The following RGS22 variants were observed in gnomAD, a reference collection of about 807,000 sequenced individuals.
The protein encoded by RGS22 is regulator of G protein signaling 22.
RGS22 carries 148 observed loss-of-function variants against 172.9 expected under a neutral mutation model. The ratio of observed to expected loss-of-function variants is 0.86; its 90% CI spans 0.75 to 0.98. The LOEUF is 0.98. Among genes scored for constraint, RGS22 ranks in the 50% least tolerant of loss-of-function variants. The pLI is 0.00. For synonymous variants in RGS22, 458 were observed against 480.2 expected, an observed-to-expected ratio of 0.95 and a Z score of 0.60; for missense variants, 1,347 against 1,440.8, an observed-to-expected ratio of 0.93 and a Z score of 1.05.
chr8:99,996,401 A>G, intron 20 of RGS22, 61 bp downstream of exon 20: 1 of 1,421,196 alleles, frequency 7.0e-7, no homozygotes, highest in South Asian at 1.2e-5. Flanking sequence ...AAAGGGAAAG[A>G]AAAACAATAC....
chr8:100,057,505 A>G (rs1359356142), intron 9 of RGS22, among the ~76,000 whole-genome samples: 1 of 152,138 alleles, frequency 6.6e-6, no homozygotes, highest in Non-Finnish European at 1.5e-5. Flanking sequence ...GGGTCATGGG[A>G]GGAACCCAGT....
At chr8:100,069,977 G>A (rs547571106) in intron 6 of RGS22, among the ~76,000 whole-genome samples, 2 of 124,924 alleles carry the variant, frequency 1.6e-5, no homozygotes, top group East Asian at 5.3e-4. Flanking sequence ...GCAGTGAGCA[G>A]AGATCATGCC....
Position 99,971,476 on chromosome 8 carries a change from C to T in RGS22, c.3520-6046G>A, listed in dbSNP as rs1270301673. On this transcript the variant is annotated intron_variant, in intron 23 of 27. Coordinates refer to ENST00000360863, the MANE Select transcript of RGS22 (RefSeq NM_015668.5). ...ATGACAGGATTGTATATTTAGAAAACCCCATTGTCTCAGCCAAAAACTCCT... is the reference window on the plus strand; with the variant it reads ...ATGACAGGATTGTATATTTAGAAAATCCCATTGTCTCAGCCAAAAACTCCT... Among the ~76,000 whole-genome samples the T allele has an allele frequency of 5.9e-5, 9 of 152,230 alleles. No individual in the cohort carries two copies. The South Asian group carries it at 1.5e-3, about 25-fold the overall frequency.
chr8:100,003,061 G>GA (rs1221100011), intron 17 of RGS22: 70 of 159,804 alleles, frequency 4.4e-4, no homozygotes, highest in Middle Eastern at 5.6e-3. Flanking sequence ...TCTCAAAAAA[G>GA]AAAAAAAAAG....
chr8:100,098,891 AT>A (rs61345063), intron 2 of RGS22, among the ~76,000 whole-genome samples: 4,085 of 82,250 alleles, frequency 0.05, 382 homozygotes, highest in African/African-American at 0.18. Flanking sequence ...ATTTTATTTT[AT>A]TTTATTTTAT....
At chr8:100,096,669 A>T (rs1311339278) in intron 2 of RGS22, among the ~76,000 whole-genome samples, 23 of 136,488 alleles carry the variant, frequency 1.7e-4, no homozygotes, top group East Asian at 9.9e-4. Context: ...AATTTAAAAA[A>T]AATTTTTTTT....
At chr8:100,023,865 C>CA (rs1817880993) in intron 14 of RGS22, 1 of 152,338 alleles carries the variant, frequency 6.6e-6, no homozygotes, top group Non-Finnish European at 1.5e-5. Context: ...GTTCAAATTT[C>CA]AAAAAGCAAC....
At chr8:99,989,483 G>A (rs1336252925) in intron 20 of RGS22, among the ~76,000 whole-genome samples, 3 of 151,792 alleles carry the variant, frequency 2.0e-5, no homozygotes, top group Non-Finnish European at 4.4e-5. Flanking sequence ...GCTCCTGCTC[G>A]GCAAAGTGCC....
In RGS22 at chr8:100,063,555, T is replaced by C; in HGVS notation, c.1213A>G (p.Arg405Gly). 1 of 1,614,128 alleles carries C rather than the reference T, an allele frequency of 6.2e-7. No homozygotes were observed. The highest frequency in any genetic ancestry group is 8.5e-7 in the Non-Finnish European group (1 of 1,180,004). Residue 405 changes from arginine (R) to glycine (G), a missense_variant, in exon 8 of 28, where the codon AGG becomes GGG. Physicochemically the swap from Arg to Gly is moderately radical, Grantham distance 125. Coordinates refer to ENST00000360863, the MANE Select transcript of RGS22 (RefSeq NM_015668.5). Reference protein sequence around the residue: ...ESRADWCISHRTYDIGNRKEF... With the variant: ...ESRADWCISHGTYDIGNRKEF... ...TTTCTATTGCCAATGTCATAAGTCC[T>C]ATGAGAAATACACCAGTCCGCCCTG...
At position 100,006,118 on chromosome 8, in the gene RGS22, A is replaced by G. The variant is rs369853070; in HGVS notation, c.2362-9T>C. ...TCTTCCACCAGCTCCACCTAAAAAA[A>G]ATAAATAAAGCTTGTGACATCAAGA... On this transcript the variant is annotated splice_polypyrimidine_tract_variant and intron_variant, in intron 15 of 27. Transcript: ENST00000360863. The G allele has an allele frequency of 6.2e-7, 1 of 1,607,372 alleles. No homozygotes were observed. Among genetic ancestry groups the G allele is most frequent in the Non-Finnish European group, 8.5e-7 (1 of 1,175,668 alleles).
chr8:100,008,479 G>T lies in RGS22; in HGVS notation c.2257C>A (p.Pro753Thr), dbSNP rs767721262. 1.9e-6 allele frequency: 3 copies of T among 1,613,332 alleles called. No homozygotes were observed. Among genetic ancestry groups the T allele is most frequent in the African/African-American group, 1.3e-5 (1 of 74,862 alleles). ...GTGTCAAAAAGGTCTTCAAATGGTG[G>T]CTGTATTTTCATATAAATTTCTTTT... is the stretch of plus-strand genomic sequence containing the variant. ...KKKEIYMKIQ[P>T]PFEDLFDTAE... Residue 753 changes from proline to threonine, a missense_variant, in exon 15 of 28, where the codon CCA (proline) becomes ACA (threonine). By Grantham distance (38) the Pro-to-Thr change is conservative. Transcript: ENST00000360863.
intron 21 of RGS22, among the ~76,000 whole-genome samples, chr8:99,986,229 CA>C (rs1182342918): frequency 4.0e-5 from 6 of 149,560 alleles, no homozygotes; most frequent in South Asian, 2.1e-4. Context: ...GACCCTGTCT[CA>C]AAAAAAAATT....
intron 10 of RGS22, among the ~76,000 whole-genome samples, chr8:100,051,184 C>T (rs904607729): frequency 4.6e-5 from 7 of 151,566 alleles, no homozygotes; most frequent in Non-Finnish European, 1.0e-4. Context: ...ACAGCAAGCA[C>T]AAAGCCCTGG....
At chr8:100,020,320 C>G (rs556330410) in intron 14 of RGS22, among the ~76,000 whole-genome samples, 2 of 152,290 alleles carry the variant, frequency 1.3e-5, no homozygotes, top group South Asian at 2.1e-4. Context: ...TTCATACACT[C>G]TAAAGACAAA....
At chr8:100,100,094 T>C (rs2132047038) in intron 2 of RGS22, among the ~76,000 whole-genome samples, 1 of 152,284 alleles carries the variant, frequency 6.6e-6, no homozygotes, top group South Asian at 2.1e-4. Flanking sequence ...GGGGATTGGT[T>C]CCAGGACCCC....
chr8:99,964,155 T>C (rs992721555), intron 24 of RGS22, among the ~76,000 whole-genome samples: 9 of 151,978 alleles, frequency 5.9e-5, no homozygotes, highest in Admixed American at 5.9e-4. Context: ...TAATACTGAC[T>C]TGTGATAAAA....
intron 2 of RGS22, among the ~76,000 whole-genome samples, chr8:100,104,363 T>TG (rs1231144915): frequency 2.4e-5 from 3 of 124,448 alleles, no homozygotes; most frequent in Non-Finnish European, 4.6e-5. Context: ...TGTGTGTGTA[T>TG]TTTTTTTTTT....
At chr8:99,967,502 C>T (rs1490329527) in intron 23 of RGS22, among the ~76,000 whole-genome samples, 1 of 152,158 alleles carries the variant, frequency 6.6e-6, no homozygotes, top group East Asian at 1.9e-4. Flanking sequence ...TCACTGCCAG[C>T]ACAAAAGTCT....
intron 18 of RGS22, among the ~76,000 whole-genome samples, chr8:100,000,675 T>G (rs918842961): frequency 3.9e-5 from 6 of 152,198 alleles, no homozygotes; most frequent in Admixed American, 2.6e-4. Context: ...CCATGAAACC[T>G]CACGCAATGT....
Sources: gnomAD v4.1 joint callset for allele counts (sites outside exome capture counted in the v4.1 genomes callset) on GRCh38, gnomAD v4.1.1 for gene constraint, MANE v1.5 for transcripts, NCBI Gene and HGNC (gene_info 2026-07-23, HGNC 2026-07-21) for gene names.